Variants in NR1H2 observed in about 807,000 individuals in gnomAD.
The protein encoded by NR1H2 is oxysterols receptor LXR-beta.
In NR1H2, 33 loss-of-function variants were observed where a neutral mutation model predicts 51.2. The observed-to-expected ratio is 0.64, with a 90% CI of 0.49 to 0.86. The LOEUF (loss-of-function observed/expected upper bound fraction) is 0.86, where lower values mean the gene tolerates loss of function less well. NR1H2 is among the 40% of genes least tolerant of loss of function. The pLI is 0.00. For synonymous variants in NR1H2, 310 were observed against 264.3 expected, an observed-to-expected ratio of 1.17 and a Z score of -1.68; for missense variants, 592 against 639.9, an observed-to-expected ratio of 0.93 and a Z score of 0.81.
In NR1H2 at chr19:50,382,595, A is replaced by C; in HGVS notation, c.1376A>C (p.His459Pro). 1 of 1,577,614 alleles carries C rather than the reference A, an allele frequency of 6.3e-7. No homozygotes were observed. Among genetic ancestry groups the C allele is most frequent in the Non-Finnish European group, 8.6e-7 (1 of 1,163,278 alleles). The change falls in exon 10 of 10, where the codon CAC (histidine) becomes CCC (proline). Residue 459 changes from histidine to proline, a missense_variant. By Grantham distance (77) the His-to-Pro change is moderately conservative. Transcript: ENST00000253727. ...CTGCTGTCGGAGATCTGGGACGTCC[A>C]CGAGTGAGGGGCTGGCCACCCAGCC... is the stretch of plus-strand genomic sequence containing the variant. ...PPLLSEIWDV[H>P]E
chr19:50,378,339 C>T lies in NR1H2; in HGVS notation c.372C>T (p.Ala124=). 15 of 1,612,432 alleles carry T rather than the reference C, an allele frequency of 9.3e-6. No homozygotes were observed. The highest frequency in any genetic ancestry group is 1.3e-5 in the Non-Finnish European group (15 of 1,179,524). The change falls in exon 5 of 10, where the codon GCC becomes GCT. Residue 124 remains alanine (A), a synonymous_variant. Coordinates refer to ENST00000253727, the MANE Select transcript of NR1H2 (RefSeq NM_007121.7). ...TCCGTGGTGGGGCCAGGCGCTATGC[C>T]TGCCGGGGTGGCGGAACCTGCCAGA... is the stretch of plus-strand genomic sequence containing the variant. ...SVVRGGARRY[A]CRGGGTCQMD... is the part of the protein sequence containing the mutation.
chr19:50,381,892 G>A, intron 8 of NR1H2, 74 bp from the exon 9 acceptor site: 6 of 1,272,760 alleles, frequency 4.7e-6, no homozygotes, highest in Non-Finnish European at 6.5e-6. Flanking sequence ...CAGAGACTGT[G>A]GGCAGCGCCA....
chr19:50,378,725 A>G lies in NR1H2; in HGVS notation c.676A>G (p.Met226Val), dbSNP rs2037714815. The part of the protein sequence containing the change: ...GVQLTAAQEL[M>V]IQQLVAAQLQ... ...CCAGCTAACAGCGGCTCAAGAACTA[A>G]TGATCCAGCAGTTGGTGGCGGCCCA... The change falls in exon 6 of 10, where the codon ATG (methionine) becomes GTG (valine). Residue 226 changes from methionine (M) to valine (V), a missense_variant. Met to Val is a conservative substitution (Grantham distance 21, BLOSUM62 1). This residue lies in a region of NR1H2 where 316 missense variants were observed against 313.4 expected (regional missense o/e 1.01). Transcript: ENST00000253727. 1 of 1,613,694 alleles carries G rather than the reference A, an allele frequency of 6.2e-7. No homozygotes were observed. Among genetic ancestry groups the G allele is most frequent in the South Asian group, 1.1e-5 (1 of 91,088 alleles).
chr19:50,382,247 C>G (rs930086799), intron 9 of NR1H2, 73 bp downstream of exon 9: 1 of 1,402,026 alleles, frequency 7.1e-7, no homozygotes, highest in Non-Finnish European at 9.5e-7. Context: ...AGGCTGGGTT[C>G]TGCCAGCCAC....
Position 50,381,852 on chromosome 19 carries a change from AC to A in NR1H2, c.1028-113del, listed in dbSNP as rs1348917076. 30 of 893,578 alleles carry A rather than the reference AC, an allele frequency of 3.4e-5. 1 individual carries two copies. Among genetic ancestry groups the A allele is most frequent in the Admixed American group, 1.1e-4 (4 of 37,208 alleles). 55.4% of individuals were successfully genotyped at this position (893,578 alleles called of 1,614,324 possible). ...GCACAGGTGGACAGAAATGACAAGA[AC>A]GCTGTAATTACTGCTGTGTTCCCAG... On this transcript the variant is annotated intron_variant, in intron 8 of 9. Coordinates refer to ENST00000253727, the MANE Select transcript of NR1H2 (RefSeq NM_007121.7).
Position 50,382,666 on chromosome 19 carries a change from C to A in NR1H2, c.*64C>A. 1.4e-6 allele frequency: 2 copies of A among 1,478,542 alleles called. No homozygotes were observed. Among genetic ancestry groups the A allele is most frequent in the South Asian group, 2.7e-5 (2 of 74,470 alleles). 91.6% of individuals were successfully genotyped at this position (1,478,542 alleles called of 1,614,324 possible). A position where few individuals can be genotyped will look rare whatever the true frequency, so the allele number is the denominator to read the frequency against. On this transcript the variant is annotated 3_prime_UTR_variant, in exon 10 of 10. Coordinates refer to ENST00000253727, the MANE Select transcript of NR1H2 (RefSeq NM_007121.7). Reference sequence around the variant, plus strand: ...CCTCCAGCAGATAGACGCCGGCACCCCTTCCTCTTCCTAGGGTGGAAGGGG... The same window carrying A: ...CCTCCAGCAGATAGACGCCGGCACCACTTCCTCTTCCTAGGGTGGAAGGGG...
At position 50,378,560 on chromosome 19, in the gene NR1H2, C is replaced by T. The variant is rs781562526; in HGVS notation, c.511C>T (p.Arg171Trp). The change falls in exon 6 of 10, where the codon CGG becomes TGG. Residue 171 changes from arginine to tryptophan, a missense_variant. Arg to Trp is a moderately radical substitution (Grantham distance 101). Around this residue, in one of 3 missense-constraint regions of NR1H2, gnomAD observed 316 missense variants for 313.4 expected, o/e 1.01. Transcript: ENST00000253727. Reference protein sequence around the residue: ...SEEQIRKKKIRKQQQESQSQS... With the variant: ...SEEQIRKKKIWKQQQESQSQS... ...AGAACAGATCCGGAAGAAGAAGATT[C>T]GGAAACAGCAGCAGGAGTCACAGTC... 11 of 1,447,848 alleles carry T rather than the reference C, an allele frequency of 7.6e-6. No homozygotes were observed. The highest frequency in any genetic ancestry group is 2.7e-5 in the African/African-American group (1 of 36,984). The allele number at this position is 1,447,848 out of a possible 1,614,324, so 89.7% of individuals were successfully genotyped here. A position where few individuals can be genotyped will look rare whatever the true frequency, so the allele number is the denominator to read the frequency against.
At position 50,380,482 on chromosome 19, in the gene NR1H2, G is replaced by A. The variant is rs149600623; in HGVS notation, c.1027+603G>A. The stretch of plus-strand genomic sequence containing the variant: ...AAAGGGTGGGAGGAGCATTGCTAGT[G>A]CTGCAGAGCATGCACCAGGGCCTCG... On this transcript the variant is annotated intron_variant, in intron 8 of 9. Transcript: ENST00000253727. 1.2e-3 allele frequency among the ~76,000 whole-genome samples: 178 copies of A among 152,292 alleles called. 1 individual carries two copies. Among genetic ancestry groups the A allele is most frequent in the African/African-American group, 4.1e-3 (172 of 41,560 alleles).
chr19:50,381,620 G>A (rs893282891), intron 8 of NR1H2, among the ~76,000 whole-genome samples: 2 of 152,224 alleles, frequency 1.3e-5, no homozygotes, highest in Admixed American at 6.5e-5. Context: ...GGACCAGCAC[G>A]ATGTGACCTA....
intron 8 of NR1H2, 108 bp downstream of exon 8, chr19:50,379,987 G>T: frequency 1.3e-6 from 1 of 775,148 alleles, no homozygotes; most frequent in South Asian, 1.5e-5. Flanking sequence ...CCAAAGTTGG[G>T]GTGAGGGTTG....
chr19:50,378,547 G>A lies in NR1H2; in HGVS notation c.498G>A (p.Arg166=). The A allele has an allele frequency of 1.3e-6, 2 of 1,558,420 alleles. No individual in the cohort carries two copies. The highest frequency in any genetic ancestry group is 2.3e-5 in the South Asian group (2 of 88,822). The change falls in exon 6 of 10, where the codon CGG becomes CGA. Residue 166 remains arginine, a synonymous_variant. Coordinates refer to ENST00000253727, the MANE Select transcript of NR1H2 (RefSeq NM_007121.7). The part of the protein sequence containing the change: ...EQCVLSEEQI[R]KKKIRKQQQE... ...GCGTCCTTTCTGAAGAACAGATCCG[G>A]AAGAAGAAGATTCGGAAACAGCAGC...
At chr19:50,377,171 ATAG>A (rs1033035353) in intron 2 of NR1H2, 1 of 170,314 alleles carries the variant, frequency 5.9e-6, no homozygotes, top group Non-Finnish European at 1.2e-5. Context: ...AGGGCGGAGC[ATAG>A]TAGGAGGAGG....
rs1273469345 is a variant in NR1H2 at position 50,383,053 on chromosome 19, G to A, written c.*451G>A. 2 of 153,376 alleles carry A rather than the reference G, an allele frequency of 1.3e-5. No individual in the cohort carries two copies. Among genetic ancestry groups the A allele is most frequent in the African/African-American group, 4.8e-5 (2 of 41,476 alleles). 9.5% of individuals were successfully genotyped at this position (153,376 alleles called of 1,614,324 possible). A position where few individuals can be genotyped will look rare whatever the true frequency, so the allele number is the denominator to read the frequency against. ...AAGATGGAGAGGGCGCGGGCTTCTA[G>A]GGACCTCAGTGACACTGGGTGCCCG... On this transcript the variant is annotated 3_prime_UTR_variant, in exon 10 of 10. Coordinates refer to ENST00000253727, the MANE Select transcript of NR1H2 (RefSeq NM_007121.7).
intron 7 of NR1H2, 85 bp downstream of exon 7, chr19:50,379,266 C>T (rs938314445): frequency 2.9e-6 from 4 of 1,383,860 alleles, no homozygotes; most frequent in East Asian, 2.3e-5. Context: ...CCAGTGCTTG[C>T]CGTTGTAGGA....
rs767635770 is a variant in NR1H2 at position 50,378,240 on chromosome 19, G to C, written c.273G>C (p.Gly91=). ...MLGHELCRVC[G]DKASGFHYNV... ...GCCACGAGCTTTGCCGTGTCTGTGG[G>C]GACAAGGCCTCCGGCTTCCACTACA... Residue 91 remains glycine, a synonymous_variant, in exon 5 of 10, where the codon GGG becomes GGC. Coordinates refer to ENST00000253727, the MANE Select transcript of NR1H2 (RefSeq NM_007121.7). The C allele has an allele frequency of 4.3e-6, 7 of 1,613,528 alleles. No individual in the cohort carries two copies. In the Admixed American group the frequency reaches 1.0e-4, roughly 23 times the overall value.
chr19:50,382,407 G>C (rs753975188), intron 9 of NR1H2, 49 bp from the exon 10 acceptor site: 13 of 1,542,638 alleles, frequency 8.4e-6, no homozygotes, highest in East Asian at 2.4e-5. Flanking sequence ...GCCTCCCAAA[G>C]CCTGGCAGGG....
chr19:50,382,337 C>A, intron 9 of NR1H2, 119 bp from the exon 10 acceptor site: 2 of 1,389,352 alleles, frequency 1.4e-6, no homozygotes, highest in Non-Finnish European at 1.9e-6. Context: ...AGCACAGAGG[C>A]GGGCCCCACG....
chr19:50,379,422 A>G (rs1034474080), intron 7 of NR1H2, among the ~76,000 whole-genome samples: 2 of 152,196 alleles, frequency 1.3e-5, no homozygotes, highest in Non-Finnish European at 2.9e-5. Context: ...TAGCATTTGA[A>G]TCAAAGTAGG....
rs2037665390 is a variant in NR1H2 at position 50,376,549 on chromosome 19, CGAA to C, written c.-151_-149del. 1.3e-5 allele frequency: 2 copies of C among 152,238 alleles called. No homozygotes were observed. The highest frequency in any genetic ancestry group is 2.4e-5 in the African/African-American group (1 of 41,452). The allele number at this position is 152,238 out of a possible 1,614,324, so 9.4% of individuals were successfully genotyped here. A position where few individuals can be genotyped will look rare whatever the true frequency, so the allele number is the denominator to read the frequency against. ...GTGTGTCAGGGGCTAAAGAGGAGGA[CGAA>C]GAAAAGCAGAGCAAGGGAACCCAGG... On this transcript the variant is annotated 5_prime_UTR_variant, in exon 1 of 10. Coordinates refer to ENST00000253727, the MANE Select transcript of NR1H2 (RefSeq NM_007121.7).
Sources: gnomAD v4.1 joint callset for allele counts (sites outside exome capture counted in the v4.1 genomes callset) on GRCh38, gnomAD v4.1.1 for gene constraint, gnomAD v4.1.1 regional missense constraint, MANE v1.5 for transcripts, NCBI Gene and HGNC (gene_info 2026-07-23, HGNC 2026-07-21) for gene names.